The following PCDH7 variants were observed in gnomAD, a reference collection of about 807,000 sequenced individuals.
PCDH7 encodes the protein protocadherin-7.
In PCDH7, 17 loss-of-function variants were observed where a neutral mutation model predicts 58.9. The observed-to-expected ratio is 0.29, with a 90% CI of 0.20 to 0.43. PCDH7 has a LOEUF of 0.43. Among genes scored for constraint, PCDH7 ranks in the 20% least tolerant of loss-of-function variants. PCDH7 has a pLI of 1.00. For synonymous variants in PCDH7, 664 were observed against 616.4 expected (o/e 1.08, Z -1.14); for missense variants, 1,274 against 1,441.0 (o/e 0.88, Z 1.88).
intron 3 of PCDH7, among the ~76,000 whole-genome samples, chr4:31,042,748 T>C (rs1755984062): frequency 6.6e-6 from 1 of 152,126 alleles, no homozygotes; most frequent in South Asian, 2.1e-4. Flanking sequence ...AAAAAAGAGA[T>C]TGTTTTCAGC....
At chr4:30,876,302 A>G (rs953811347) in intron 1 of PCDH7, among the ~76,000 whole-genome samples, 8 of 152,046 alleles carry the variant, frequency 5.3e-5, no homozygotes, top group African/African-American at 1.9e-4. Context: ...GTGATATTAA[A>G]TGTGTATTTA....
intron 3 of PCDH7, among the ~76,000 whole-genome samples, chr4:31,117,052 C>G (rs1717083852): frequency 6.6e-6 from 1 of 152,026 alleles, no homozygotes; most frequent in Non-Finnish European, 1.5e-5. Context: ...TTTTATCCAG[C>G]TAATTTTGTA....
intron 3 of PCDH7, among the ~76,000 whole-genome samples, chr4:30,968,315 TACACTATA>T (rs1749180928): frequency 2.3e-5 from 1 of 43,902 alleles, no homozygotes; most frequent in African/African-American, 1.3e-4. Context: ...TATATATATA[TACACTATA>T]TATATATATA....
rs1713995655 is a variant in PCDH7, at chr4:30,723,218, G to A, written c.1796G>A (p.Arg599His). ...ATCCTGGTCAATACCGTGCTGGACC[G>A]CGAGCAGACTGACAGGTATGAGTTT... Residue 599 changes from arginine to histidine, a missense_variant, in exon 1 of 2, where the codon CGC becomes CAC. Transcript: ENST00000361762. The surrounding 1 kb of genome is among the most constrained non-coding windows in gnomAD (Gnocchi z 4.6). 17 of 1,614,206 alleles carry A rather than the reference G, an allele frequency of 1.1e-5. No individual in the cohort carries two copies. The highest frequency in any genetic ancestry group is 1.3e-5 in the Non-Finnish European group (15 of 1,180,050).
intron 3 of PCDH7, among the ~76,000 whole-genome samples, chr4:31,038,533 T>C (rs1755597713): frequency 1.3e-5 from 2 of 152,176 alleles, no homozygotes; most frequent in African/African-American, 4.8e-5. Context: ...TGCTGTCTTA[T>C]TTTTCATTAT....
intron 2 of PCDH7, among the ~76,000 whole-genome samples, chr4:30,938,984 T>A (rs765446539): frequency 6.6e-6 from 1 of 152,110 alleles, no homozygotes; most frequent in African/African-American, 2.4e-5. Flanking sequence ...TATTTTAGAG[T>A]ATTTCAAAAT....
chr4:30,966,565 G>GT, intron 3 of PCDH7, among the ~76,000 whole-genome samples: 3 of 152,156 alleles, frequency 2.0e-5, no homozygotes, highest in Middle Eastern at 3.4e-3. Flanking sequence ...TTATTTTGGG[G>GT]TTTTGACTGT....
intron 1 of PCDH7, among the ~76,000 whole-genome samples, chr4:30,830,829 T>G (rs1729678836): frequency 6.6e-6 from 1 of 152,158 alleles, no homozygotes; most frequent in Admixed American, 6.6e-5. Flanking sequence ...TATCATAATG[T>G]TAAACACTTT....
At chr4:30,893,331 T>C (rs563359528) in intron 1 of PCDH7, among the ~76,000 whole-genome samples, 2 of 152,212 alleles carry the variant, frequency 1.3e-5, no homozygotes, top group South Asian at 2.1e-4. Context: ...GTAGGTTTAG[T>C]TTTACTTTCC....
At chr4:30,982,021 T>C (rs1750616063) in intron 3 of PCDH7, among the ~76,000 whole-genome samples, 1 of 152,194 alleles carries the variant, frequency 6.6e-6, no homozygotes, top group Non-Finnish European at 1.5e-5. Flanking sequence ...TTAATAACAA[T>C]GTATCGTGTT....
chr4:30,743,306 C>A (rs568741364), intron 1 of PCDH7, among the ~76,000 whole-genome samples: 1 of 152,054 alleles, frequency 6.6e-6, no homozygotes, highest in South Asian at 2.1e-4. Flanking sequence ...TATCACTCTG[C>A]GCAAAAGCTG....
At chr4:30,944,620 G>A (rs1288351282) in intron 2 of PCDH7, among the ~76,000 whole-genome samples, 2 of 152,108 alleles carry the variant, frequency 1.3e-5, no homozygotes, top group South Asian at 2.1e-4. Flanking sequence ...GACTGTAAAT[G>A]TTCTAGTGAG....
chr4:30,723,098 C>T lies in PCDH7; in HGVS notation c.1676C>T (p.Ala559Val). 1 of 1,613,928 alleles carries T rather than the reference C, an allele frequency of 6.2e-7. No individual in the cohort carries two copies. Among genetic ancestry groups the T allele is most frequent in the South Asian group, 1.1e-5 (1 of 91,084 alleles). Reference sequence around the variant, plus strand: ...GGCGAGAGGGTGGCCACGGTGCTGGCGACAGACGCAGACAGCGGTAAGAAC... The same window carrying T: ...GGCGAGAGGGTGGCCACGGTGCTGGTGACAGACGCAGACAGCGGTAAGAAC... Residue 559 changes from alanine (A) to valine (V), a missense_variant, in exon 1 of 2, where the codon GCG becomes GTG. Transcript: ENST00000361762. This position sits in a 1 kb window ranked among gnomAD's most constrained non-coding sequence, Gnocchi z 4.6.
intron 1 of PCDH7, among the ~76,000 whole-genome samples, chr4:30,824,969 T>G (rs1377323913): frequency 6.6e-6 from 1 of 151,760 alleles, no homozygotes; most frequent in Non-Finnish European, 1.5e-5. Context: ...AATAAAATGG[T>G]GAAAGAGGGA....
rs386399674 is a variant in PCDH7 at position 30,779,003 on chromosome 4, G to GTTTTTT, written c.70+54430_70+54435dup. 1.1e-4 allele frequency among the ~76,000 whole-genome samples: 8 copies of GTTTTTT among 73,006 alleles called. 1 individual carries two copies. Among genetic ancestry groups the GTTTTTT allele is most frequent in the Admixed American group, 4.0e-4 (2 of 4,978 alleles). 47.9% of individuals were successfully genotyped at this position (73,006 alleles called of 152,430 possible). ...TGATTCCAAATGGCCTCCTTACTCC[G>GTTTTTT]TTTTTTTTTTTTTTTTTTTTTTTTT... On this transcript the variant is annotated intron_variant, in intron 1 of 3. Coordinates refer to the PCDH7 transcript ENST00000509759.
rs1165048603 is a variant in PCDH7 at position 31,085,868 on chromosome 4, TC to T, written c.*8-56604del. Among the ~76,000 whole-genome samples the T allele has an allele frequency of 6.0e-5, 9 of 150,794 alleles. No individual in the cohort carries two copies. The South Asian group carries it at 1.5e-3, about 25-fold the overall frequency. ...CTCTCTCTCTCTTTTTTTTTTTTTT[TC>T]ATCTCTTCCTCTTCACCAGGAAATC... On this transcript the variant is annotated intron_variant, in intron 3 of 3. Transcript: ENST00000509759.
At chr4:30,877,096 A>G (rs1736388959) in intron 1 of PCDH7, among the ~76,000 whole-genome samples, 1 of 152,146 alleles carries the variant, frequency 6.6e-6, no homozygotes, top group African/African-American at 2.4e-5. Flanking sequence ...TTATGAAAGT[A>G]TTTTGTTAAA....
intron 3 of PCDH7, among the ~76,000 whole-genome samples, chr4:31,129,532 AC>A (rs1426810448): frequency 3.3e-5 from 5 of 152,288 alleles, no homozygotes; most frequent in African/African-American, 1.2e-4. Context: ...TGTGATTTAT[AC>A]TGAAGTTTAT....
At chr4:30,773,966 G>T (rs1458784530) in intron 1 of PCDH7, among the ~76,000 whole-genome samples, 1 of 152,142 alleles carries the variant, frequency 6.6e-6, no homozygotes, top group Non-Finnish European at 1.5e-5. Context: ...TCCATTTAGT[G>T]GGACTGGAAG....
Sources: gnomAD v4.1 joint callset for allele counts (sites outside exome capture counted in the v4.1 genomes callset) on GRCh38, gnomAD v4.1.1 for gene constraint, Gnocchi (gnomAD v3.1) non-coding constraint, MANE v1.5 for transcripts, NCBI Gene and HGNC (gene_info 2026-07-23, HGNC 2026-07-21) for gene names.